SMAD1: variants seen among roughly 807,000 people sequenced by gnomAD.
SMAD1 encodes the protein MAD, mothers against decapentaplegic homolog 1.
SMAD1 carries 6 observed loss-of-function variants against 41.6 expected under a neutral mutation model. That is an observed-to-expected ratio of 0.14 (90% CI 0.08 to 0.28). The LOEUF (loss-of-function observed/expected upper bound fraction) is 0.28. Among genes scored for constraint, SMAD1 ranks in the 10% least tolerant of loss-of-function variants. SMAD1 has a pLI of 1.00. For synonymous variants in SMAD1, 206 were observed against 203.2 expected, an observed-to-expected ratio of 1.01 and a Z score of -0.12; for missense variants, 379 against 582.6, an observed-to-expected ratio of 0.65 and a Z score of 3.60.
At chr4:145,551,846 C>G (rs548182304) in intron 5 of SMAD1, among the ~76,000 whole-genome samples, 2 of 152,268 alleles carry the variant, frequency 1.3e-5, no homozygotes, top group East Asian at 3.9e-4. Flanking sequence ...CAGAGTTAAT[C>G]AGCAGCCTTC....
intron 2 of SMAD1, among the ~76,000 whole-genome samples, chr4:145,529,451 T>C (rs1414835362): frequency 6.6e-6 from 1 of 152,224 alleles, no homozygotes; most frequent in Non-Finnish European, 1.5e-5. Context: ...CAGAGTGCTG[T>C]TAAGGGCTTG....
chr4:145,550,154 AGAT>A (rs1244073052), intron 5 of SMAD1, among the ~76,000 whole-genome samples: 1 of 152,232 alleles, frequency 6.6e-6, no homozygotes, highest in African/African-American at 2.4e-5. Context: ...CATTATGTGT[AGAT>A]GATATGTTTG....
At chr4:145,535,335 G>C (rs1034916724) in intron 2 of SMAD1, among the ~76,000 whole-genome samples, 1 of 152,124 alleles carries the variant, frequency 6.6e-6, no homozygotes, top group Non-Finnish European at 1.5e-5. Flanking sequence ...CCACATCTAG[G>C]AATTTGCCCT....
At position 145,540,037 on chromosome 4, in the gene SMAD1, C is replaced by T. The variant is rs993095324; in HGVS notation, c.634C>T (p.Pro212Ser). The T allele has an allele frequency of 3.7e-6, 6 of 1,613,994 alleles. No individual in the cohort carries two copies. The African/African-American group carries it at 6.7e-5, about 18-fold the overall frequency. Reference protein sequence around the residue: ...TYPHSPTSSDPGSPFQMPADT... With the variant: ...TYPHSPTSSDSGSPFQMPADT... ...CCCTCACTCTCCCACCAGCTCAGAC[C>T]CAGGAAGCCCTTTCCAGATGCCAGG... Residue 212 changes from proline (P) to serine (S), a missense_variant, in exon 3 of 7, where the codon CCA becomes TCA. Physicochemically the swap from Pro to Ser is moderately conservative, Grantham distance 74. Coordinates refer to ENST00000302085, the MANE Select transcript of SMAD1 (RefSeq NM_005900.3).
chr4:145,500,420 G>A (rs1729365065), intron 1 of SMAD1, among the ~76,000 whole-genome samples: 1 of 152,002 alleles, frequency 6.6e-6, no homozygotes, highest in African/African-American at 2.4e-5. Flanking sequence ...AGGACTCCTT[G>A]CCATTCCTTG....
chr4:145,543,588 C>CCTTTA (rs1732071914), intron 4 of SMAD1, among the ~76,000 whole-genome samples: 1 of 152,162 alleles, frequency 6.6e-6, no homozygotes, highest in Non-Finnish European at 1.5e-5. Flanking sequence ...TTTCTTTCCC[C>CCTTTA]CTTTAGTAAA....
At chr4:145,545,047 C>T (rs1450617678) in intron 4 of SMAD1, 1 of 150,924 alleles carries the variant, frequency 6.6e-6, no homozygotes, top group African/African-American at 2.4e-5. Context: ...TTTTTTTCTT[C>T]CCCCCGCTTT....
At position 145,482,114 on chromosome 4, in the gene SMAD1, C is replaced by G. The variant is rs1236061478; in HGVS notation, c.-177+76C>G. On this transcript the variant is annotated intron_variant, in intron 1 of 6. Coordinates refer to ENST00000302085, the MANE Select transcript of SMAD1 (RefSeq NM_005900.3). The surrounding 1 kb of genome is among the most constrained non-coding windows in gnomAD (Gnocchi z 4.2). The stretch of plus-strand genomic sequence containing the variant: ...CCCTCCCCTCGGCGCCCCGGGCTTT[C>G]CAGCGCCGCCGCCGCCGTCTCTGCA... 1 of 149,006 alleles carries G rather than the reference C, an allele frequency of 6.7e-6. No individual in the cohort carries two copies. Among genetic ancestry groups the G allele is most frequent in the East Asian group, 2.1e-4 (1 of 4,746 alleles). 9.2% of individuals were successfully genotyped at this position (149,006 alleles called of 1,614,324 possible). A position where few individuals can be genotyped will look rare whatever the true frequency, so the allele number is the denominator to read the frequency against.
chr4:145,481,227 C>T (rs1240595871), upstream of SMAD1: 4 of 152,134 alleles, frequency 2.6e-5, no homozygotes, highest in Admixed American at 1.3e-4. Context: ...CTACTCGAAT[C>T]ACTGGATCCT....
intron 2 of SMAD1, among the ~76,000 whole-genome samples, chr4:145,529,599 A>G (rs1189034947): frequency 6.6e-6 from 1 of 152,092 alleles, no homozygotes; most frequent in Non-Finnish European, 1.5e-5. Context: ...GGCCCTGTAA[A>G]TTTTCTGTAA....
intron 3 of SMAD1, 104 bp downstream of exon 3, chr4:145,540,165 C>CT (rs1731841552): frequency 7.5e-7 from 1 of 1,336,014 alleles, no homozygotes; most frequent in African/African-American, 1.4e-5. Context: ...GTTTTCAGCC[C>CT]TGGTATATGA....
intron 6 of SMAD1, 125 bp downstream of exon 6, chr4:145,554,165 T>C (rs1255144164): frequency 4.5e-6 from 4 of 882,638 alleles, no homozygotes; most frequent in Non-Finnish European, 6.9e-6. Context: ...GCTGACTTAT[T>C]ATCTAGGCAT....
intron 6 of SMAD1, 79 bp from the exon 7 acceptor site, chr4:145,557,712 G>A: frequency 8.9e-7 from 1 of 1,126,366 alleles, no homozygotes; most frequent in Non-Finnish European, 1.3e-6. Context: ...AGAGTCTTTG[G>A]TTATGTGAAC....
At chr4:145,548,646 T>C (rs1163041756) in intron 5 of SMAD1, among the ~76,000 whole-genome samples, 1 of 152,198 alleles carries the variant, frequency 6.6e-6, no homozygotes, top group African/African-American at 2.4e-5. Context: ...GTAGAGTCAG[T>C]GCTAAAGTTT....
chr4:145,536,229 A>T (rs1236809867), intron 2 of SMAD1, among the ~76,000 whole-genome samples: 4 of 152,138 alleles, frequency 2.6e-5, no homozygotes, highest in Non-Finnish European at 5.9e-5. Context: ...TTTCCAGTAC[A>T]CACACGCACA....
chr4:145,499,730 A>T (rs1729316997), intron 1 of SMAD1, among the ~76,000 whole-genome samples: 1 of 152,200 alleles, frequency 6.6e-6, no homozygotes, highest in Non-Finnish European at 1.5e-5. Context: ...TATTCAGAAT[A>T]TTCCAACATC....
At position 145,536,742 on chromosome 4, in the gene SMAD1, G is replaced by A. The variant is rs574492368; in HGVS notation, c.401-3062G>A. 2.1e-3 allele frequency among the ~76,000 whole-genome samples: 322 copies of A among 152,194 alleles called. 2 individuals carry two copies. The highest frequency in any genetic ancestry group is 7.5e-3 in the African/African-American group (312 of 41,522). ...GGGGATAAAGCTTGATAAGGAACAG[G>A]ATATTTACACAGTCTCGTGGTATCT... On this transcript the variant is annotated intron_variant, in intron 2 of 6. Coordinates refer to ENST00000302085, the MANE Select transcript of SMAD1 (RefSeq NM_005900.3).
chr4:145,558,697 T>C lies in SMAD1; in HGVS notation c.*763T>C, dbSNP rs150510342. On this transcript the variant is annotated 3_prime_UTR_variant, in exon 7 of 7. Coordinates refer to ENST00000302085, the MANE Select transcript of SMAD1 (RefSeq NM_005900.3). ...AAACAAACTGATACCTGAATTTTGCTGTGTTTCCATTTTTTAGAGATTTTT... is the reference window on the plus strand; with the variant it reads ...AAACAAACTGATACCTGAATTTTGCCGTGTTTCCATTTTTTAGAGATTTTT... Among the ~76,000 whole-genome samples the C allele has an allele frequency of 7.1e-3, 1,066 of 150,670 alleles. 11 individuals carry two copies. The highest frequency in any genetic ancestry group is 0.025 in the African/African-American group (1,009 of 40,820).
At chr4:145,533,800 G>A (rs1731457149) in intron 2 of SMAD1, among the ~76,000 whole-genome samples, 2 of 152,140 alleles carry the variant, frequency 1.3e-5, no homozygotes, top group Admixed American at 1.3e-4. Flanking sequence ...ATACATTGGA[G>A]AAGAAGCCTC....
Sources: allele counts gnomAD v4.1 joint callset (sites outside exome capture counted in the v4.1 genomes callset), GRCh38; gene constraint gnomAD v4.1.1; non-coding constraint Gnocchi (gnomAD v3.1); transcripts MANE v1.5; gene names NCBI Gene and HGNC (gene_info 2026-07-23, HGNC 2026-07-21).